PBX3: variants seen among roughly 807,000 people sequenced by gnomAD.
PBX3 encodes PBX homeobox 3.
Under a neutral mutation model 48.5 loss-of-function variants are expected in PBX3, and 14 were observed. The observed-to-expected ratio is 0.29, with a 90% CI of 0.19 to 0.45. PBX3 has a LOEUF of 0.45. PBX3 is among the 20% of genes least tolerant of loss of function. The pLI, the probability that PBX3 is intolerant of heterozygous loss-of-function variation, is 1.00. For synonymous variants in PBX3, 210 were observed against 200.3 expected (o/e 1.05, Z -0.41); for missense variants, 386 against 546.7 (o/e 0.71, Z 2.93).
intron 2 of PBX3, among the ~76,000 whole-genome samples, chr9:125,767,107 G>T (rs1334212770): frequency 1.3e-5 from 2 of 152,094 alleles, no homozygotes; most frequent in Non-Finnish European, 2.9e-5. Context: ...ATATTCACTT[G>T]CTTTTTAACT....
chr9:125,962,157 G>A lies in PBX3; in HGVS notation c.1065G>A (p.Gln355=). Reference sequence around the variant, plus strand: ...CTGGGGACATGTTCATGAACATGCAGAGTCTGAATGGGGATTCTTACCAAG... The same window carrying A: ...CTGGGGACATGTTCATGAACATGCAAAGTCTGAATGGGGATTCTTACCAAG... ...PNSGDMFMNM[Q]SLNGDSYQGS... is the part of the protein sequence containing the mutation. Residue 355 remains glutamine (Q), a synonymous_variant, in exon 7 of 9, where the codon CAG becomes CAA. Coordinates refer to ENST00000373489, the MANE Select transcript of PBX3 (RefSeq NM_006195.6). 1 of 1,613,508 alleles carries A rather than the reference G, an allele frequency of 6.2e-7. No homozygotes were observed. Among genetic ancestry groups the A allele is most frequent in the Non-Finnish European group, 8.5e-7 (1 of 1,179,474 alleles).
chr9:125,918,216 A>G (rs1202839380), intron 3 of PBX3, among the ~76,000 whole-genome samples: 1 of 152,104 alleles, frequency 6.6e-6, no homozygotes, highest in African/African-American at 2.4e-5. Flanking sequence ...CTGCCTCCTT[A>G]CTTTCTCCAT....
chr9:125,957,584 T>G (rs1842336564), intron 5 of PBX3, among the ~76,000 whole-genome samples: 1 of 152,214 alleles, frequency 6.6e-6, no homozygotes, highest in African/African-American at 2.4e-5. Flanking sequence ...GTACAGAGAT[T>G]CCTCAATTAT....
chr9:125,961,929 AC>A (rs1400594955), intron 6 of PBX3, among the ~76,000 whole-genome samples, 172 bp from the exon 7 acceptor site: 2 of 152,036 alleles, frequency 1.3e-5, no homozygotes, highest in Admixed American at 1.3e-4. Context: ...ATGTGGAGTG[AC>A]TCACAGGACC....
chr9:125,915,257 A>G (rs373873505), intron 2 of PBX3, among the ~76,000 whole-genome samples: 1 of 152,198 alleles, frequency 6.6e-6, no homozygotes, highest in East Asian at 1.9e-4. Context: ...CTCCAACTGT[A>G]CAGAGAGAGA....
At chr9:125,863,995 A>G (rs1245525206) in intron 2 of PBX3, among the ~76,000 whole-genome samples, 1 of 152,216 alleles carries the variant, frequency 6.6e-6, no homozygotes, top group African/African-American at 2.4e-5. Flanking sequence ...CTTATAAGCC[A>G]GTAGAGGGTG....
intron 3 of PBX3, among the ~76,000 whole-genome samples, chr9:125,922,961 G>GCA (rs572532672): frequency 1.5e-3 from 236 of 152,312 alleles, no homozygotes; most frequent in African/African-American, 5.2e-3. Flanking sequence ...GAGCTAAAGT[G>GCA]CACACTACAT....
chr9:125,844,326 C>G (rs1186491814), intron 2 of PBX3, among the ~76,000 whole-genome samples: 2 of 121,036 alleles, frequency 1.7e-5, no homozygotes, highest in South Asian at 5.0e-4. Context: ...GATTTAAAAA[C>G]AAAAAAAATC....
chr9:125,857,980 T>G (rs2132279936), intron 2 of PBX3, among the ~76,000 whole-genome samples: 1 of 152,326 alleles, frequency 6.6e-6, no homozygotes, highest in South Asian at 2.1e-4. Context: ...CCTTAGCTTG[T>G]CATAAGAATA....
chr9:125,889,599 T>G (rs1183069843), intron 2 of PBX3, among the ~76,000 whole-genome samples: 1 of 152,172 alleles, frequency 6.6e-6, no homozygotes, highest in Non-Finnish European at 1.5e-5. Context: ...ACCCCTGTTG[T>G]GATGCTGCTT....
At chr9:125,879,518 C>T (rs528171569) in intron 2 of PBX3, among the ~76,000 whole-genome samples, 1 of 152,222 alleles carries the variant, frequency 6.6e-6, no homozygotes, top group Non-Finnish European at 1.5e-5. Flanking sequence ...AAACTTGTGG[C>T]AAGTGGGTTG....
intron 2 of PBX3, among the ~76,000 whole-genome samples, chr9:125,837,470 A>G (rs1364344919): frequency 6.6e-6 from 1 of 151,156 alleles, no homozygotes; most frequent in East Asian, 1.9e-4. Context: ...CTGGAGGAAA[A>G]CTAGGTGTTT....
At chr9:125,782,473 TTC>T (rs1837348287) in intron 2 of PBX3, among the ~76,000 whole-genome samples, 1 of 152,242 alleles carries the variant, frequency 6.6e-6, no homozygotes, top group Admixed American at 6.5e-5. Context: ...AACTCCATTT[TTC>T]TCTTTTATAT....
At chr9:125,958,601 T>C (rs186410226) in intron 5 of PBX3, among the ~76,000 whole-genome samples, 171 of 152,162 alleles carry the variant, frequency 1.1e-3, no homozygotes, top group African/African-American at 4.1e-3. Flanking sequence ...TATTGTGAGG[T>C]AGTGAGTACC....
chr9:125,758,466 A>G (rs1025477152), intron 2 of PBX3, among the ~76,000 whole-genome samples: 5 of 152,186 alleles, frequency 3.3e-5, no homozygotes, highest in Non-Finnish European at 5.9e-5. Flanking sequence ...TAGGAGTTCA[A>G]AGTTTTCGTT....
At chr9:125,748,892 C>T (rs1034799903) in intron 2 of PBX3, 2 of 328,908 alleles carry the variant, frequency 6.1e-6, no homozygotes, top group Admixed American at 4.3e-5. Context: ...GGGGAGGGGG[C>T]CCGGAGCGCC....
At chr9:125,783,952 G>T (rs1837392244) in intron 2 of PBX3, among the ~76,000 whole-genome samples, 2 of 152,060 alleles carry the variant, frequency 1.3e-5, no homozygotes, top group Admixed American at 1.3e-4. Context: ...AGTGAGCCGA[G>T]GTCATGCCAC....
intron 2 of PBX3, among the ~76,000 whole-genome samples, chr9:125,812,691 G>T (rs1462286413): frequency 1.3e-5 from 2 of 152,312 alleles, no homozygotes; most frequent in African/African-American, 2.4e-5. Flanking sequence ...TTTTGTCATT[G>T]TGAGAACATC....
chr9:125,774,625 A>G (rs1039818360), intron 2 of PBX3, among the ~76,000 whole-genome samples: 1 of 149,630 alleles, frequency 6.7e-6, no homozygotes, highest in African/African-American at 2.5e-5. Flanking sequence ...ATATACTACA[A>G]TTTGTTTATC....
Sources: gnomAD v4.1 joint callset for allele counts (sites outside exome capture counted in the v4.1 genomes callset) on GRCh38, gnomAD v4.1.1 for gene constraint, MANE v1.5 for transcripts, NCBI Gene and HGNC (gene_info 2026-07-23, HGNC 2026-07-21) for gene names.